NADK2: variants seen among roughly 807,000 people sequenced by gnomAD.
The protein encoded by NADK2 is NAD kinase 2, mitochondrial.
In NADK2, 35 loss-of-function variants were observed where a neutral mutation model predicts 62.1. The observed-to-expected ratio is 0.56, with a 90% CI of 0.43 to 0.75. NADK2 has a LOEUF of 0.75. Among genes scored for constraint, NADK2 ranks in the 30% least tolerant of loss-of-function variants. The pLI is 0.00. For missense variants in NADK2, 439 were observed against 561.3 expected (o/e 0.78, Z 2.20); for synonymous variants, 205 against 207.9 (o/e 0.99, Z 0.12).
chr5:36,241,940 C>G (rs1285302996), upstream of NADK2: 4 of 681,644 alleles, frequency 5.9e-6, no homozygotes, highest in Non-Finnish European at 7.6e-6. The surrounding 1 kb of genome is among the most constrained non-coding windows in gnomAD (Gnocchi z 4.9). Flanking sequence ...ACGTGCGTGG[C>G]CCACGCGGCT....
At chr5:36,237,353 C>T (rs974764487) in intron 1 of NADK2, among the ~76,000 whole-genome samples, 4 of 151,892 alleles carry the variant, frequency 2.6e-5, no homozygotes, top group African/African-American at 9.7e-5. Context: ...AAAAAAGGCA[C>T]ATAATAGCTT....
Position 36,194,004 on chromosome 5 carries a change from G to A in NADK2, c.*1140C>T, listed in dbSNP as rs1186039733. On this transcript the variant is annotated 3_prime_UTR_variant, in exon 12 of 12. Coordinates refer to ENST00000381937, the MANE Select transcript of NADK2 (RefSeq NM_001085411.3). ...AACACATGACTTTGAACAACGGCACGAGAATACCAACTGTTTGATTATGCA... is the reference window on the plus strand; with the variant it reads ...AACACATGACTTTGAACAACGGCACAAGAATACCAACTGTTTGATTATGCA... 6.6e-6 allele frequency: 1 copy of A among 152,446 alleles called. No individual in the cohort carries two copies. The allele number at this position is 152,446 out of a possible 1,614,324, so 9.4% of individuals were successfully genotyped here.
chr5:36,223,779 G>A (rs1355783011), intron 4 of NADK2, among the ~76,000 whole-genome samples: 3 of 152,134 alleles, frequency 2.0e-5, no homozygotes, highest in Non-Finnish European at 4.4e-5. Flanking sequence ...AAGGAGTGGC[G>A]ATACCAAGCT....
In NADK2 at chr5:36,192,656, A is replaced by T. The variant is rs1472080241; in HGVS notation, c.*2488T>A. The T allele has an allele frequency of 2.0e-5, 3 of 152,198 alleles. No individual in the cohort carries two copies. The highest frequency in any genetic ancestry group is 4.1e-4 in the South Asian group (2 of 4,832). The allele number at this position is 152,198 out of a possible 1,614,324, so 9.4% of individuals were successfully genotyped here. ...TGTAAATGCACAAGGAGTATCAAAA[A>T]TATTAAGTCAAAATTATCTGAAGAG... On this transcript the variant is annotated 3_prime_UTR_variant, in exon 12 of 12. Coordinates refer to ENST00000381937, the MANE Select transcript of NADK2 (RefSeq NM_001085411.3).
chr5:36,236,352 T>G (rs956061129), intron 1 of NADK2, among the ~76,000 whole-genome samples: 4 of 152,226 alleles, frequency 2.6e-5, no homozygotes, highest in Non-Finnish European at 4.4e-5. Context: ...TAAACCTCTG[T>G]TTTCCAAGTT....
intron 1 of NADK2, among the ~76,000 whole-genome samples, chr5:36,235,734 C>G (rs10805609): frequency 0.93 from 140,693 of 152,100 alleles, 65,561 homozygotes; most frequent in Non-Finnish European, 0.98. Context: ...CATAACTCAA[C>G]AACTATTCTG....
At chr5:36,217,204 A>G (rs1282007406) in intron 6 of NADK2, among the ~76,000 whole-genome samples, 1 of 152,194 alleles carries the variant, frequency 6.6e-6, no homozygotes, top group East Asian at 1.9e-4. Flanking sequence ...ATAAAGTCCT[A>G]CATTTGCTAT....
rs183262435 is a variant in NADK2 at position 36,216,754 on chromosome 5, T to G, written c.781+994A>C. Among the ~76,000 whole-genome samples the G allele has an allele frequency of 2.6e-3, 394 of 152,228 alleles. 2 individuals are homozygous for G. Among genetic ancestry groups the G allele is most frequent in the African/African-American group, 9.2e-3 (381 of 41,560 alleles). On this transcript the variant is annotated intron_variant, in intron 6 of 11. Coordinates refer to ENST00000381937, the MANE Select transcript of NADK2 (RefSeq NM_001085411.3). ...AATCTATATCTTTTTATAAGACTGC[T>G]GGTGAAGACAGTCAAATCTACCATC...
chr5:36,200,752 G>A (rs187036069), intron 9 of NADK2, among the ~76,000 whole-genome samples: 96 of 151,960 alleles, frequency 6.3e-4, no homozygotes, highest in African/African-American at 2.1e-3. Context: ...TTATTAGATC[G>A]ACTGTCATGG....
At chr5:36,207,665 A>G (rs1746692292) in intron 7 of NADK2, among the ~76,000 whole-genome samples, 1 of 152,082 alleles carries the variant, frequency 6.6e-6, no homozygotes, top group Non-Finnish European at 1.5e-5. Flanking sequence ...TCCTTGATAT[A>G]TTTTAAAGCT....
Position 36,193,448 on chromosome 5 carries a change from T to C in NADK2, c.*1696A>G, listed in dbSNP as rs1746097377. ...GAGATCATGCCACTGCAGTCCAGCCTGGGTGACAAAGCAAGACTCCGTTCT... is the reference window on the plus strand; with the variant it reads ...GAGATCATGCCACTGCAGTCCAGCCCGGGTGACAAAGCAAGACTCCGTTCT... On this transcript the variant is annotated 3_prime_UTR_variant, in exon 12 of 12. Transcript: ENST00000381937. 8.2e-6 allele frequency: 1 copy of C among 121,426 alleles called. No homozygotes were observed. 7.5% of individuals were successfully genotyped at this position (121,426 alleles called of 1,614,324 possible). A position where few individuals can be genotyped will look rare whatever the true frequency, so the allele number is the denominator to read the frequency against.
chr5:36,217,788 C>G lies in NADK2; in HGVS notation c.741G>C (p.Gln247His). The change falls in exon 6 of 12, where the codon CAG (glutamine) becomes CAC (histidine). Residue 247 changes from glutamine (Q) to histidine (H), a missense_variant. Coordinates refer to ENST00000381937, the MANE Select transcript of NADK2 (RefSeq NM_001085411.3). ...DLHEQQLSLN[Q>H]HNRALNIERA... ...TTTCAATGTTAAGGGCTCTATTGTG[C>G]TGATTCAAGCTTAGCTGCTGCTCGT... 6.2e-7 allele frequency: 1 copy of G among 1,613,964 alleles called. No homozygotes were observed. The highest frequency in any genetic ancestry group is 2.2e-5 in the East Asian group (1 of 44,856).
At chr5:36,242,069 G>C (rs964783001), upstream of NADK2, 3 of 187,878 alleles carry the variant, frequency 1.6e-5, no homozygotes, top group African/African-American at 7.1e-5. Context: ...AGTGGGTTTT[G>C]TTTGTTTGTT....
intron 1 of NADK2, among the ~76,000 whole-genome samples, chr5:36,236,155 T>C (rs1747901098): frequency 6.6e-6 from 1 of 152,108 alleles, no homozygotes; most frequent in Non-Finnish European, 1.5e-5. Context: ...TGGTCACATA[T>C]TTGTAGTTTT....
At chr5:36,223,600 G>T (rs536260212) in intron 4 of NADK2, among the ~76,000 whole-genome samples, 4 of 152,258 alleles carry the variant, frequency 2.6e-5, no homozygotes, top group African/African-American at 7.2e-5. Flanking sequence ...AAATAAGGGA[G>T]CAGTTAGCAC....
At chr5:36,219,005 G>A (rs1747149735) in intron 5 of NADK2, among the ~76,000 whole-genome samples, 1 of 152,152 alleles carries the variant, frequency 6.6e-6, no homozygotes, top group Non-Finnish European at 1.5e-5. Context: ...AGACATGCCT[G>A]CTATCTCACT....
At chr5:36,204,087 C>A (rs1746547435) in intron 8 of NADK2, among the ~76,000 whole-genome samples, 1 of 152,150 alleles carries the variant, frequency 6.6e-6, no homozygotes, top group Admixed American at 6.6e-5. Context: ...TAACCCTTAA[C>A]TTACTCCTTT....
rs1386077081 is a variant in NADK2, at chr5:36,197,599, G to A, written c.1132C>T (p.Arg378Ter). 4 of 1,611,550 alleles carry A rather than the reference G, an allele frequency of 2.5e-6. No homozygotes were observed. Among genetic ancestry groups the A allele is most frequent in the African/African-American group, 1.3e-5 (1 of 74,850 alleles). The change falls in exon 11 of 12, where the codon CGA (arginine) becomes TGA (stop). Residue 378 changes from arginine to a stop codon, truncating the protein, a stop_gained. Coordinates refer to ENST00000381937, the MANE Select transcript of NADK2 (RefSeq NM_001085411.3). LOFTEE classifies it high-confidence loss of function. ...AAAACTCTATTTGCTATTGGTTCTCGAATACTGAAAAGTATTTTTGGTTCT... is the reference window on the plus strand; with the variant it reads ...AAAACTCTATTTGCTATTGGTTCTCAAATACTGAAAAGTATTTTTGGTTCT... ...PEEPKILFSI[R>*]EPIANRVFSS...
chr5:36,232,170 G>A (rs988675766), intron 1 of NADK2, among the ~76,000 whole-genome samples: 2 of 152,150 alleles, frequency 1.3e-5, no homozygotes, highest in Non-Finnish European at 2.9e-5. Flanking sequence ...ATCCAGATGT[G>A]ATAGTTATGC....
Sources: allele counts gnomAD v4.1 joint callset (sites outside exome capture counted in the v4.1 genomes callset), GRCh38; gene constraint gnomAD v4.1.1; non-coding constraint Gnocchi (gnomAD v3.1); transcripts MANE v1.5; gene names NCBI Gene and HGNC (gene_info 2026-07-23, HGNC 2026-07-21).